Variants in ANTXR1 observed in about 807,000 individuals in gnomAD.
The protein encoded by ANTXR1 is anthrax toxin receptor 1.
Under a neutral mutation model 78.1 loss-of-function variants are expected in ANTXR1, and 19 were observed. The observed-to-expected ratio is 0.24, with a 90% CI of 0.17 to 0.36. The LOEUF (loss-of-function observed/expected upper bound fraction) is 0.36. ANTXR1 is among the 10% of genes least tolerant of loss of function. ANTXR1 has a pLI of 1.00. For missense variants in ANTXR1, 518 were observed against 718.6 expected (o/e 0.72, Z 3.19); for synonymous variants, 273 against 260.5 (o/e 1.05, Z -0.46).
At chr2:69,235,960 T>A (rs1675753933) in intron 17 of ANTXR1, among the ~76,000 whole-genome samples, 1 of 152,154 alleles carries the variant, frequency 6.6e-6, no homozygotes, top group Non-Finnish European at 1.5e-5. Context: ...ATATCTTACA[T>A]GGCGACAGGT....
chr2:69,050,297 A>AAAATAAAT (rs374411711), intron 3 of ANTXR1, among the ~76,000 whole-genome samples: 1 of 151,696 alleles, frequency 6.6e-6, no homozygotes, highest in African/African-American at 2.4e-5. Context: ...TGCTGTATCA[A>AAAATAAAT]AAATAAATAA....
chr2:69,228,708 AAAC>A (rs1301250262), intron 17 of ANTXR1, among the ~76,000 whole-genome samples: 2 of 152,320 alleles, frequency 1.3e-5, no homozygotes, highest in Non-Finnish European at 2.9e-5. Flanking sequence ...ACTCCATAAC[AAAC>A]AACTTGTCCC....
intron 12 of ANTXR1, among the ~76,000 whole-genome samples, chr2:69,125,532 G>A (rs1443984252): frequency 6.6e-6 from 1 of 152,178 alleles, no homozygotes; most frequent in Non-Finnish European, 1.5e-5. Flanking sequence ...TCAGGGCTTA[G>A]TTAGCTTGTG....
rs1050273709 is a variant in ANTXR1, at chr2:69,013,182, G to A, written c.-318G>A. ...TCTGGGACAAAGAACCGTCGGGACGGAACTCCTTCCATTGCAAAAGCTCGG... is the reference window on the plus strand; with the variant it reads ...TCTGGGACAAAGAACCGTCGGGACGAAACTCCTTCCATTGCAAAAGCTCGG... On this transcript the variant is annotated 5_prime_UTR_variant, in exon 1 of 18. Coordinates refer to ENST00000303714, the MANE Select transcript of ANTXR1 (RefSeq NM_032208.3). The surrounding 1 kb of genome is among the most constrained non-coding windows in gnomAD (Gnocchi z 5.0). The A allele has an allele frequency of 6.0e-5, 21 of 348,120 alleles. No homozygotes were observed. Among genetic ancestry groups the A allele is most frequent in the African/African-American group, 5.3e-4 (21 of 39,862 alleles). 21.6% of individuals were successfully genotyped at this position (348,120 alleles called of 1,614,324 possible). A position where few individuals can be genotyped will look rare whatever the true frequency, so the allele number is the denominator to read the frequency against.
At chr2:69,089,505 T>A (rs1671159405) in intron 8 of ANTXR1, among the ~76,000 whole-genome samples, 1 of 152,248 alleles carries the variant, frequency 6.6e-6, no homozygotes, top group Admixed American at 6.5e-5. Flanking sequence ...AGCAAGGAAA[T>A]AAGCTCCTCA....
At chr2:69,039,646 G>A (rs1669553675) in intron 1 of ANTXR1, among the ~76,000 whole-genome samples, 1 of 152,148 alleles carries the variant, frequency 6.6e-6, no homozygotes, top group Admixed American at 6.6e-5. Context: ...TATCGTGTGT[G>A]CTAATTTCAT....
intron 10 of ANTXR1, among the ~76,000 whole-genome samples, chr2:69,121,930 G>C (rs1489889935): frequency 6.6e-6 from 1 of 152,110 alleles, no homozygotes; most frequent in Non-Finnish European, 1.5e-5. Context: ...GCTTTTTCCT[G>C]GTCATCCATT....
intron 1 of ANTXR1, among the ~76,000 whole-genome samples, chr2:69,036,048 T>G (rs1398050825): frequency 6.6e-6 from 1 of 152,214 alleles, no homozygotes; most frequent in East Asian, 1.9e-4. Flanking sequence ...GCAAATTAAT[T>G]TGTGGCTGTG....
chr2:69,245,104 G>C (rs903924410), intron 17 of ANTXR1, 121 bp from the exon 18 acceptor site: 3 of 1,124,836 alleles, frequency 2.7e-6, no homozygotes, highest in Non-Finnish European at 4.1e-6. Flanking sequence ...TGTGCCACTA[G>C]AGAGTTGTCA....
chr2:69,134,933 A>T, intron 12 of ANTXR1: 2 of 308,242 alleles, frequency 6.5e-6, no homozygotes, highest in Admixed American at 3.2e-5. Flanking sequence ...AACTCAAGGT[A>T]TTTTTTTTAC....
chr2:69,040,872 G>A (rs1468767085), intron 2 of ANTXR1, among the ~76,000 whole-genome samples: 1 of 152,032 alleles, frequency 6.6e-6, no homozygotes, highest in South Asian at 2.1e-4. Flanking sequence ...CATGCTGATG[G>A]CCTCCATAGA....
intron 16 of ANTXR1, among the ~76,000 whole-genome samples, chr2:69,184,606 C>T (rs1029848510): frequency 3.6e-4 from 55 of 152,178 alleles, no homozygotes; most frequent in Non-Finnish European, 5.6e-4. Context: ...AACATTAATT[C>T]TGTTTGAAAA....
At chr2:69,226,428 G>T (rs372499916) in intron 17 of ANTXR1, among the ~76,000 whole-genome samples, 2 of 152,108 alleles carry the variant, frequency 1.3e-5, no homozygotes, top group African/African-American at 4.8e-5. Flanking sequence ...TCATGAGGCC[G>T]GAGGAAGGCA....
chr2:69,063,752 T>C (rs1670314410), intron 3 of ANTXR1, among the ~76,000 whole-genome samples: 2 of 152,062 alleles, frequency 1.3e-5, no homozygotes, highest in African/African-American at 4.8e-5. Context: ...ATGACAATAA[T>C]AACACAAAGG....
intron 13 of ANTXR1, among the ~76,000 whole-genome samples, chr2:69,165,890 T>G (rs1230773951): frequency 6.6e-6 from 1 of 152,228 alleles, no homozygotes; most frequent in Non-Finnish European, 1.5e-5. Context: ...ATCAGGTGCT[T>G]TATCTCACTT....
chr2:69,024,940 G>A lies in ANTXR1; in HGVS notation c.152+11289G>A, dbSNP rs538458550. 5.9e-5 allele frequency among the ~76,000 whole-genome samples: 9 copies of A among 152,208 alleles called. No individual in the cohort carries two copies. The South Asian group carries it at 1.0e-3, about 18-fold the overall frequency. On this transcript the variant is annotated intron_variant, in intron 1 of 17. Coordinates refer to ENST00000303714, the MANE Select transcript of ANTXR1 (RefSeq NM_032208.3). The stretch of plus-strand genomic sequence containing the variant: ...CACCTCTTACCCCTTAGACATTTCC[G>A]AAGCTCTTTCAGGATAAAGTGTAAA...
intron 1 of ANTXR1, among the ~76,000 whole-genome samples, chr2:69,033,084 A>G (rs1671576520): frequency 6.6e-6 from 1 of 152,236 alleles, no homozygotes; most frequent in South Asian, 2.1e-4. Flanking sequence ...TCAGTTAGAT[A>G]TACTAACAGG....
In ANTXR1 at chr2:69,246,637, C is replaced by T. The variant is rs901677703; in HGVS notation, c.*1152C>T. ...TCTTTGGCTTTTCGACATAGAACCT[C>T]AGCTGTTAACCAAGGGGAAATACAT... On this transcript the variant is annotated 3_prime_UTR_variant, in exon 18 of 18. Coordinates refer to ENST00000303714, the MANE Select transcript of ANTXR1 (RefSeq NM_032208.3). 1.3e-5 allele frequency: 2 copies of T among 152,158 alleles called. No homozygotes were observed. The highest frequency in any genetic ancestry group is 6.5e-5 in the Admixed American group (1 of 15,272). 9.4% of individuals were successfully genotyped at this position (152,158 alleles called of 1,614,324 possible).
chr2:69,204,912 C>T (rs1674859799), intron 17 of ANTXR1, among the ~76,000 whole-genome samples: 1 of 152,204 alleles, frequency 6.6e-6, no homozygotes, highest in Non-Finnish European at 1.5e-5. Context: ...GATTCCACCT[C>T]TCGCTGCCTC....
Sources: allele counts gnomAD v4.1 joint callset (sites outside exome capture counted in the v4.1 genomes callset), GRCh38; gene constraint gnomAD v4.1.1; non-coding constraint Gnocchi (gnomAD v3.1); transcripts MANE v1.5; gene names NCBI Gene and HGNC (gene_info 2026-07-23, HGNC 2026-07-21).